Variants in ZBTB25 observed in about 807,000 individuals in gnomAD.
The protein encoded by ZBTB25 is zinc finger and BTB domain containing 25, also known as zinc finger and BTB domain-containing protein 25.
ZBTB25 carries 20 observed loss-of-function variants against 34.2 expected under a neutral mutation model. That is an observed-to-expected ratio of 0.58 (90% CI 0.41 to 0.85). The LOEUF is 0.85. Among genes scored for constraint, ZBTB25 ranks in the 40% least tolerant of loss-of-function variants. The pLI is 0.00. For missense variants in ZBTB25, 437 were observed against 521.8 expected, an observed-to-expected ratio of 0.84 and a Z score of 1.58; for synonymous variants, 175 against 186.4, an observed-to-expected ratio of 0.94 and a Z score of 0.50.
chr14:64,500,825 C>T (rs1459098150), intron 1 of ZBTB25, among the ~76,000 whole-genome samples: 1 of 151,744 alleles, frequency 6.6e-6, no homozygotes, highest in Non-Finnish European at 1.5e-5. Flanking sequence ...CCAAGGTGGG[C>T]GGATCACTTG....
downstream of ZBTB25, among the ~76,000 whole-genome samples, chr14:64,475,321 C>T (rs553270692): frequency 2.6e-4 from 39 of 152,178 alleles, no homozygotes; most frequent in Non-Finnish European, 4.9e-4. Flanking sequence ...TGCCTGTAGT[C>T]CCAGCTACTG....
At chr14:64,455,479 A>G (rs2078456089) in intron 2 of ZBTB25, among the ~76,000 whole-genome samples, 1 of 152,222 alleles carries the variant, frequency 6.6e-6, no homozygotes, top group South Asian at 2.1e-4. Flanking sequence ...CCAGTTGGGA[A>G]GCAGAGGGGA....
At chr14:64,466,511 A>C (rs1295700350) in intron 2 of ZBTB25, among the ~76,000 whole-genome samples, 1 of 152,218 alleles carries the variant, frequency 6.6e-6, no homozygotes, top group African/African-American at 2.4e-5. Context: ...AGAGGTGAGA[A>C]GATTTAAACA....
At chr14:64,459,904 T>A in intron 2 of ZBTB25, 2 of 1,535,978 alleles carry the variant, frequency 1.3e-6, no homozygotes, top group Non-Finnish European at 1.7e-6. Context: ...TCCCCAGAAG[T>A]CATTTTCAGC....
At chr14:64,454,981 G>A (rs751127166) in intron 2 of ZBTB25, 5 of 1,180,004 alleles carry the variant, frequency 4.2e-6, no homozygotes, top group Middle Eastern at 1.9e-4. Context: ...TCACTGCCCA[G>A]AAGAAAATTG....
chr14:64,465,271 C>T (rs1032216474), intron 2 of ZBTB25, among the ~76,000 whole-genome samples: 1 of 152,042 alleles, frequency 6.6e-6, no homozygotes, highest in African/African-American at 2.4e-5. Flanking sequence ...GTCCCCGCCT[C>T]GGCGCTGATG....
upstream of ZBTB25, chr14:64,505,000 G>A (rs181685058): frequency 1.3e-5 from 5 of 390,802 alleles, no homozygotes; most frequent in African/African-American, 8.3e-5. Context: ...CAGGCCGGAG[G>A]GCGACGGGCC....
intron 1 of ZBTB25, among the ~76,000 whole-genome samples, chr14:64,501,977 G>A (rs1023158004): frequency 6.6e-6 from 1 of 152,206 alleles, no homozygotes; most frequent in African/African-American, 2.4e-5. Context: ...ATGCAAAACA[G>A]CACTGATTGG....
chr14:64,501,761 G>C (rs1306623360), intron 1 of ZBTB25, among the ~76,000 whole-genome samples: 2 of 152,118 alleles, frequency 1.3e-5, no homozygotes, highest in Non-Finnish European at 2.9e-5. Context: ...GATATTTTAC[G>C]GCCAAGGCAC....
At chr14:64,465,355 T>C (rs1263095653) in intron 2 of ZBTB25, 1 of 152,146 alleles carries the variant, frequency 6.6e-6, no homozygotes, top group Non-Finnish European at 1.5e-5. Context: ...AGGCTGCTGC[T>C]GCAGGTGGGT....
chr14:64,449,512 G>A lies in ZBTB25; in HGVS notation c.*39C>T, dbSNP rs1029133044. ...CAGAGAACATGGGGCTTTTGATGCC[G>A]TGAAGTGCACTCACTGGGCAGAAGG... On this transcript the variant is annotated 3_prime_UTR_variant, in exon 3 of 3. Coordinates refer to the ZBTB25 transcript ENST00000555220. The A allele has an allele frequency of 6.2e-6, 10 of 1,614,174 alleles. No homozygotes were observed. Among genetic ancestry groups the A allele is most frequent in the East Asian group, 2.2e-5 (1 of 44,888 alleles).
At chr14:64,477,287 A>G (rs1361358525), downstream of ZBTB25, among the ~76,000 whole-genome samples, 1 of 152,236 alleles carries the variant, frequency 6.6e-6, no homozygotes, top group African/African-American at 2.4e-5. Flanking sequence ...TGTGTTGTGC[A>G]TTGTCTGCAT....
chr14:64,460,058 T>G, intron 2 of ZBTB25: 1 of 782,402 alleles, frequency 1.3e-6, no homozygotes, highest in South Asian at 1.8e-5. Context: ...CACAGGTCTC[T>G]GCCATCCTTT....
chr14:64,455,698 G>A (rs183753317), intron 2 of ZBTB25, among the ~76,000 whole-genome samples: 1 of 152,332 alleles, frequency 6.6e-6, no homozygotes, highest in African/African-American at 2.4e-5. Context: ...CATTCTTTCA[G>A]TATAGTAAGA....
intron 2 of ZBTB25, among the ~76,000 whole-genome samples, chr14:64,465,815 C>T (rs1596585215): frequency 6.6e-6 from 1 of 152,316 alleles, no homozygotes; most frequent in Admixed American, 6.5e-5. Flanking sequence ...GCCCACCTAT[C>T]CCCTTCGCGT....
intron 2 of ZBTB25, among the ~76,000 whole-genome samples, chr14:64,457,616 C>T (rs1015328044): frequency 2.0e-5 from 3 of 152,000 alleles, no homozygotes; most frequent in Admixed American, 1.3e-4. Flanking sequence ...CCACCATGCC[C>T]AGCTAATTTT....
rs74058121 is a variant in ZBTB25, at chr14:64,456,198, C to T, written c.174-6560G>A. 5.4e-3 allele frequency among the ~76,000 whole-genome samples: 786 copies of T among 146,130 alleles called. 8 individuals carry two copies. The highest frequency in any genetic ancestry group is 0.018 in the African/African-American group (755 of 41,134). ...AGTCAGGCTGTAAGGTGGAGAGAGA[C>T]ACAGCCTGCCGAACTCAAGACTTTC... On this transcript the variant is annotated intron_variant, in intron 2 of 2. Coordinates refer to the ZBTB25 transcript ENST00000555220.
rs2078841481 is a variant in ZBTB25, at chr14:64,484,848, T to C, written c.*2075A>G. ...AAAAAATCAATGTTAATACTTGTGT[T>C]CTTCCAATGAGATGATATTTTTGAG... On this transcript the variant is annotated 3_prime_UTR_variant, in exon 3 of 3. Coordinates refer to ENST00000608382, the MANE Select transcript of ZBTB25 (RefSeq NM_006977.5). 4.7e-6 allele frequency: 1 copy of C among 213,764 alleles called. No individual in the cohort carries two copies. The highest frequency in any genetic ancestry group is 8.0e-6 in the Non-Finnish European group (1 of 124,538). 13.2% of individuals were successfully genotyped at this position (213,764 alleles called of 1,614,324 possible).
At chr14:64,477,441 G>T (rs573862746), downstream of ZBTB25, among the ~76,000 whole-genome samples, 4 of 152,276 alleles carry the variant, frequency 2.6e-5, no homozygotes, top group South Asian at 8.3e-4. Context: ...TTAAAATATT[G>T]TGATAGAGGG....
Sources: allele counts gnomAD v4.1 joint callset (sites outside exome capture counted in the v4.1 genomes callset), GRCh38; gene constraint gnomAD v4.1.1; transcripts MANE v1.5; gene names NCBI Gene and HGNC (gene_info 2026-07-23, HGNC 2026-07-21).